PRKCE: variants seen among roughly 807,000 people sequenced by gnomAD.
PRKCE encodes the protein protein kinase C epsilon, also known as protein kinase C epsilon type.
In PRKCE, 16 loss-of-function variants were observed where a neutral mutation model predicts 85.4. That is an observed-to-expected ratio of 0.19 (90% CI 0.13 to 0.28). The LOEUF (loss-of-function observed/expected upper bound fraction) is 0.28, where lower values mean the gene tolerates loss of function less well. Among genes scored for constraint, PRKCE ranks in the 10% least tolerant of loss-of-function variants. PRKCE has a pLI of 1.00. For synonymous variants in PRKCE, 388 were observed against 371.5 expected (o/e 1.04, Z -0.51); for missense variants, 573 against 975.2 (o/e 0.59, Z 5.49).
chr2:46,152,216 G>A (rs1199133743), intron 13 of PRKCE, among the ~76,000 whole-genome samples: 1 of 149,310 alleles, frequency 6.7e-6, no homozygotes, highest in African/African-American at 2.5e-5. Context: ...GAGTCTCACT[G>A]CAATGGCCAG....
At chr2:45,669,657 G>A (rs1440327755) in intron 1 of PRKCE, among the ~76,000 whole-genome samples, 2 of 152,194 alleles carry the variant, frequency 1.3e-5, no homozygotes, top group East Asian at 1.9e-4. Flanking sequence ...TACTCTGTTC[G>A]TAGAAATATA....
Position 45,651,834 on chromosome 2 carries a change from T to G in PRKCE, c.-267T>G, listed in dbSNP as rs920391773. 3 of 345,758 alleles carry G rather than the reference T, an allele frequency of 8.7e-6. No individual in the cohort carries two copies. Among genetic ancestry groups the G allele is most frequent in the African/African-American group, 6.3e-5 (3 of 47,756 alleles). 21.4% of individuals were successfully genotyped at this position (345,758 alleles called of 1,614,324 possible). A position where few individuals can be genotyped will look rare whatever the true frequency, so the allele number is the denominator to read the frequency against. On this transcript the variant is annotated 5_prime_UTR_variant, in exon 1 of 15. Coordinates refer to ENST00000306156, the MANE Select transcript of PRKCE (RefSeq NM_005400.3). ...TCTTCTCTTCTGGAGGTGCAGCTGGTGGTCGGGGGGAGAGACTTGCTCCAA... is the reference window on the plus strand; with the variant it reads ...TCTTCTCTTCTGGAGGTGCAGCTGGGGGTCGGGGGGAGAGACTTGCTCCAA...
At chr2:45,967,188 G>A (rs187444204) in intron 2 of PRKCE, among the ~76,000 whole-genome samples, 7 of 152,264 alleles carry the variant, frequency 4.6e-5, no homozygotes, top group African/African-American at 1.7e-4. Flanking sequence ...CTCAGATGTG[G>A]AGCGGTATGT....
At chr2:45,893,784 T>G (rs980698183) in intron 2 of PRKCE, among the ~76,000 whole-genome samples, 1 of 152,178 alleles carries the variant, frequency 6.6e-6, no homozygotes, top group African/African-American at 2.4e-5. Context: ...AGAGTTTTCT[T>G]AATGAACAGC....
chr2:45,656,399 G>T (rs1273149260), intron 1 of PRKCE, among the ~76,000 whole-genome samples: 1 of 152,212 alleles, frequency 6.6e-6, no homozygotes, highest in Non-Finnish European at 1.5e-5. Context: ...ATGCGTAAAA[G>T]CCAAGCTGAG....
intron 1 of PRKCE, among the ~76,000 whole-genome samples, chr2:45,781,183 T>A (rs571729362): frequency 1.5e-3 from 189 of 129,642 alleles, no homozygotes; most frequent in African/African-American, 7.0e-3. Flanking sequence ...AAAATAATAA[T>A]AAAAAAAAAA....
At chr2:45,870,410 AG>A (rs1395174636) in intron 2 of PRKCE, among the ~76,000 whole-genome samples, 1 of 152,218 alleles carries the variant, frequency 6.6e-6, no homozygotes, top group Non-Finnish European at 1.5e-5. Flanking sequence ...CTTGTTTTAA[AG>A]GTATAACTGG....
chr2:45,973,598 G>T (rs903343190), intron 2 of PRKCE, among the ~76,000 whole-genome samples: 1 of 152,176 alleles, frequency 6.6e-6, no homozygotes, highest in African/African-American at 2.4e-5. Flanking sequence ...CCTAGCCTGT[G>T]CCTGAGACTC....
intron 12 of PRKCE, among the ~76,000 whole-genome samples, chr2:46,148,378 C>G (rs1279098578): frequency 6.6e-6 from 1 of 152,206 alleles, no homozygotes; most frequent in African/African-American, 2.4e-5. Context: ...CAAAAGATGC[C>G]ACCCAAAATG....
intron 11 of PRKCE, among the ~76,000 whole-genome samples, chr2:46,095,475 C>A (rs1196903694): frequency 6.6e-6 from 1 of 152,186 alleles, no homozygotes; most frequent in East Asian, 1.9e-4. Flanking sequence ...AGGGGCCGTG[C>A]CAAGAAGAAA....
rs1325640014 is a variant in PRKCE, at chr2:45,698,625, G to A, written c.348+46177G>A. The stretch of plus-strand genomic sequence containing the variant: ...GAAGAGGAAAGAGAGGAAGAGAGGG[G>A]GAGGGGTGTCAGCAATGGAAGTAGG... On this transcript the variant is annotated intron_variant, in intron 1 of 14. Transcript: ENST00000306156. 1.3e-5 allele frequency among the ~76,000 whole-genome samples: 2 copies of A among 152,058 alleles called. 1 individual carries two copies. Among genetic ancestry groups the A allele is most frequent in the Non-Finnish European group, 2.9e-5 (2 of 68,012 alleles).
intron 11 of PRKCE, among the ~76,000 whole-genome samples, chr2:46,111,246 A>G (rs1386455049): frequency 6.6e-6 from 1 of 151,928 alleles, no homozygotes; most frequent in Non-Finnish European, 1.5e-5. Context: ...ATCCTTATTG[A>G]TTTTCTGCCT....
At chr2:46,062,383 T>G (rs577797719) in intron 10 of PRKCE, among the ~76,000 whole-genome samples, 5 of 152,284 alleles carry the variant, frequency 3.3e-5, no homozygotes, top group African/African-American at 1.2e-4. Flanking sequence ...TATGTCCTAC[T>G]CAAATTAGTC....
rs113662581 is a variant in PRKCE, at chr2:45,894,621, C to T, written c.412+51558C>T. ...TGGAGTGGACGTGAGGATGTGTTGA[C>T]GGTGCATGTGAAACATTCTCCATGA... On this transcript the variant is annotated intron_variant, in intron 2 of 14. Coordinates refer to ENST00000306156, the MANE Select transcript of PRKCE (RefSeq NM_005400.3). Among the ~76,000 whole-genome samples, 1,248 of 152,104 alleles carry T rather than the reference C, an allele frequency of 8.2e-3. 17 individuals carry two copies. The highest frequency in any genetic ancestry group is 0.028 in the African/African-American group (1,163 of 41,462).
chr2:45,984,501 T>A, intron 5 of PRKCE, 50 bp from the exon 6 acceptor site: 2 of 1,584,518 alleles, frequency 1.3e-6, no homozygotes, highest in Non-Finnish European at 1.7e-6. Flanking sequence ...ACAAGTCTTC[T>A]GGGGAACTGA....
At chr2:45,801,451 G>A (rs1313434378) in intron 1 of PRKCE, among the ~76,000 whole-genome samples, 1 of 152,110 alleles carries the variant, frequency 6.6e-6, no homozygotes, top group Non-Finnish European at 1.5e-5. Context: ...GAACAGGAAG[G>A]GGAGCAGTGG....
In PRKCE at chr2:45,663,550, G is replaced by A. The variant is rs537596936; in HGVS notation, c.348+11102G>A. 2.4e-4 allele frequency among the ~76,000 whole-genome samples: 37 copies of A among 152,270 alleles called. 1 individual carries two copies. The South Asian group carries it at 6.2e-3, about 26-fold the overall frequency. ...TGTAATCCCAGCACTTTGGGAGGCC[G>A]AGGCAGGCGGATCACAAGGTCAAGA... On this transcript the variant is annotated intron_variant, in intron 1 of 14. Coordinates refer to ENST00000306156, the MANE Select transcript of PRKCE (RefSeq NM_005400.3).
At chr2:45,748,400 C>G (rs1016027237) in intron 1 of PRKCE, among the ~76,000 whole-genome samples, 1 of 152,230 alleles carries the variant, frequency 6.6e-6, no homozygotes, top group African/African-American at 2.4e-5. Context: ...CTTCAGGCTG[C>G]GTGAGAGAGC....
chr2:45,811,252 G>A (rs1688634522), intron 1 of PRKCE, among the ~76,000 whole-genome samples: 1 of 152,208 alleles, frequency 6.6e-6, no homozygotes, highest in South Asian at 2.1e-4. Context: ...AGGCCACCAA[G>A]GGTCCATCAG....
Sources: allele counts gnomAD v4.1 joint callset (sites outside exome capture counted in the v4.1 genomes callset), GRCh38; gene constraint gnomAD v4.1.1; transcripts MANE v1.5; gene names NCBI Gene and HGNC (gene_info 2026-07-23, HGNC 2026-07-21).